KDM1B: variants seen among roughly 807,000 people sequenced by gnomAD.
KDM1B encodes lysine demethylase 1B.
KDM1B carries 63 observed loss-of-function variants against 107.4 expected under a neutral mutation model. The ratio of observed to expected loss-of-function variants is 0.59; its 90% CI spans 0.48 to 0.72. The LOEUF is 0.72. Among genes scored for constraint, KDM1B ranks in the 30% least tolerant of loss-of-function variants. The pLI is 0.00. For missense variants in KDM1B, 749 were observed against 1,020.8 expected (o/e 0.73, Z 3.63); for synonymous variants, 363 against 363.9 (o/e 1.00, Z 0.03).
chr6:18,156,733 G>T lies in KDM1B; in HGVS notation c.-14+807G>T, dbSNP rs115848047. On this transcript the variant is annotated intron_variant, in intron 2 of 21. Coordinates refer to ENST00000650836, the MANE Select transcript of KDM1B (RefSeq NM_001364614.2). The stretch of plus-strand genomic sequence containing the variant: ...GTACTTCAAGACCAGCCTGGCCAAG[G>T]TGGTGAAACCTGGTCTCTACTAAAA... Among the ~76,000 whole-genome samples the T allele has an allele frequency of 9.0e-3, 1,374 of 152,032 alleles. 20 individuals are homozygous for T. The highest frequency in any genetic ancestry group is 0.031 in the African/African-American group (1,276 of 41,442).
intron 20 of KDM1B, among the ~76,000 whole-genome samples, chr6:18,217,486 C>T (rs1789335073): frequency 6.6e-6 from 1 of 150,848 alleles, no homozygotes; most frequent in Non-Finnish European, 1.5e-5. Context: ...TCACGCCATT[C>T]TCCTGACTCA....
At chr6:18,216,172 C>T (rs200688846) in intron 20 of KDM1B, among the ~76,000 whole-genome samples, 24 of 152,292 alleles carry the variant, frequency 1.6e-4, no homozygotes, top group Middle Eastern at 3.4e-3. Context: ...CTCCACCTCC[C>T]GGGTTCAAGC....
rs773716592 is a variant in KDM1B, at chr6:18,222,276, A to G, written c.*284A>G. On this transcript the variant is annotated 3_prime_UTR_variant, in exon 22 of 22. Coordinates refer to ENST00000650836, the MANE Select transcript of KDM1B (RefSeq NM_001364614.2). ...ATGTAAGTTTCAGTTGAGGCCATGG[A>G]TTTGATTGTTCCATGGCTGGAAGTT... The G allele has an allele frequency of 1.6e-5, 8 of 512,976 alleles. No homozygotes were observed. The highest frequency in any genetic ancestry group is 1.4e-4 in the South Asian group (8 of 59,222). The allele number at this position is 512,976 out of a possible 1,614,324, so 31.8% of individuals were successfully genotyped here. A position where few individuals can be genotyped will look rare whatever the true frequency, so the allele number is the denominator to read the frequency against.
chr6:18,215,551 G>A (rs1385211582), intron 20 of KDM1B, among the ~76,000 whole-genome samples: 3 of 152,000 alleles, frequency 2.0e-5, no homozygotes, highest in African/African-American at 7.2e-5. Context: ...TCACCCCGGC[G>A]ACCTCACTTT....
intron 5 of KDM1B, among the ~76,000 whole-genome samples, chr6:18,165,844 A>G (rs1010716285): frequency 3.3e-5 from 5 of 152,066 alleles, no homozygotes; most frequent in African/African-American, 1.2e-4. Flanking sequence ...AAAAAATAAT[A>G]AAAAAATAAA....
intron 12 of KDM1B, among the ~76,000 whole-genome samples, chr6:18,199,106 G>A (rs1358104322): frequency 1.3e-5 from 2 of 151,806 alleles, no homozygotes; most frequent in African/African-American, 2.4e-5. Context: ...GCTGAGGTGG[G>A]AGGATCTCTT....
At position 18,203,788 on chromosome 6, in the gene KDM1B, G is replaced by A. The variant is rs112479069; in HGVS notation, c.1532-1749G>A. Among the ~76,000 whole-genome samples, 4,189 of 150,776 alleles carry A rather than the reference G, an allele frequency of 0.028. 84 individuals are homozygous for A. Among genetic ancestry groups the A allele is most frequent in the Non-Finnish European group, 0.037 (2,535 of 67,876 alleles). ...GAATCACTTGAACCTGGGAGGCAGA[G>A]GTTGCAGTGAGACAAGATCAGGCCA... On this transcript the variant is annotated intron_variant, in intron 14 of 21. Coordinates refer to ENST00000650836, the MANE Select transcript of KDM1B (RefSeq NM_001364614.2). This position sits in a 1 kb window ranked among gnomAD's most constrained non-coding sequence, Gnocchi z 5.5.
At position 18,204,354 on chromosome 6, in the gene KDM1B, G is replaced by GGC. The variant is rs200819507; in HGVS notation, c.1532-1180_1532-1179dup. On this transcript the variant is annotated intron_variant, in intron 14 of 21. Transcript: ENST00000650836. The surrounding 1 kb of genome is among the most constrained non-coding windows in gnomAD (Gnocchi z 4.9). ...CAAAAATTAGCTGGGCATAGAGGCG[G>GGC]GCGCCTGTAGTCCCAGCTACTTGGG... Among the ~76,000 whole-genome samples the GGC allele has an allele frequency of 9.1e-3, 1,380 of 152,128 alleles. 18 individuals are homozygous for GGC. The highest frequency in any genetic ancestry group is 0.03 in the African/African-American group (1,252 of 41,496).
intron 21 of KDM1B, among the ~76,000 whole-genome samples, chr6:18,221,630 CTG>C (rs1473285408): frequency 1.3e-5 from 2 of 152,186 alleles, no homozygotes; most frequent in East Asian, 3.8e-4. Flanking sequence ...ATGGGAGGGA[CTG>C]TGTCTTAATT....
chr6:18,183,183 C>G (rs1191884997), intron 7 of KDM1B, among the ~76,000 whole-genome samples: 1 of 151,816 alleles, frequency 6.6e-6, no homozygotes, highest in Admixed American at 6.6e-5. Context: ...GTCCCTCCCT[C>G]CAGTGTGCTC....
At chr6:18,208,707 C>T (rs1182245314) in intron 17 of KDM1B, among the ~76,000 whole-genome samples, 7 of 123,164 alleles carry the variant, frequency 5.7e-5, no homozygotes, top group Non-Finnish European at 1.1e-4. Context: ...TGCAGTGGCG[C>T]AAACTCGGCT....
intron 21 of KDM1B, among the ~76,000 whole-genome samples, chr6:18,220,291 C>A (rs896537190): frequency 6.6e-6 from 1 of 152,226 alleles, no homozygotes; most frequent in Non-Finnish European, 1.5e-5. Flanking sequence ...CGATGGCTCA[C>A]GCCTGTAATC....
chr6:18,157,846 T>C (rs1784725796), intron 2 of KDM1B, among the ~76,000 whole-genome samples: 1 of 130,682 alleles, frequency 7.7e-6, no homozygotes, highest in East Asian at 2.6e-4. Flanking sequence ...GGAGTCTCAC[T>C]CTGTTGCCGA....
intron 7 of KDM1B, among the ~76,000 whole-genome samples, chr6:18,181,740 T>G (rs977345394): frequency 5.9e-5 from 9 of 152,154 alleles, no homozygotes; most frequent in Non-Finnish European, 1.2e-4. Flanking sequence ...AGTGAGACCC[T>G]GTTTCAAGAA....
rs547515904 is a variant in KDM1B at position 18,201,005 on chromosome 6, C to A, written c.1359+429C>A. Among the ~76,000 whole-genome samples the A allele has an allele frequency of 1.3e-5, 2 of 152,162 alleles. No homozygotes were observed. The highest frequency in any genetic ancestry group is 4.8e-5 in the African/African-American group (2 of 41,426). On this transcript the variant is annotated intron_variant, in intron 13 of 21. Transcript: ENST00000650836. This position sits in a 1 kb window ranked among gnomAD's most constrained non-coding sequence, Gnocchi z 4.3. ...AATTATGTATTACTAATCTGAACATCATATTTAAGGAGGCAGCCTGTCTTT... is the reference window on the plus strand; with the variant it reads ...AATTATGTATTACTAATCTGAACATAATATTTAAGGAGGCAGCCTGTCTTT...
chr6:18,194,074 C>T (rs1787480665), intron 10 of KDM1B, among the ~76,000 whole-genome samples: 1 of 152,016 alleles, frequency 6.6e-6, no homozygotes, highest in Non-Finnish European at 1.5e-5. Flanking sequence ...CAGGGTTTCA[C>T]CATGTTGGCC....
intron 10 of KDM1B, among the ~76,000 whole-genome samples, chr6:18,194,359 C>G (rs888685777): frequency 4.6e-5 from 7 of 151,960 alleles, no homozygotes; most frequent in Admixed American, 4.6e-4. Context: ...TCACAAGAAT[C>G]CAGCTTTTTC....
intron 2 of KDM1B, among the ~76,000 whole-genome samples, chr6:18,157,690 A>G (rs1179954435): frequency 6.6e-6 from 1 of 151,380 alleles, no homozygotes; most frequent in Non-Finnish European, 1.5e-5. Context: ...TTGTATATTT[A>G]TGTATATAAT....
chr6:18,190,429 A>G (rs1787197486), intron 9 of KDM1B, among the ~76,000 whole-genome samples: 1 of 146,410 alleles, frequency 6.8e-6, no homozygotes, highest in Non-Finnish European at 1.5e-5. Context: ...CGTCTCTACT[A>G]AAAATACAAA....
Sources: gnomAD v4.1 joint callset for allele counts (sites outside exome capture counted in the v4.1 genomes callset) on GRCh38, gnomAD v4.1.1 for gene constraint, Gnocchi (gnomAD v3.1) non-coding constraint, MANE v1.5 for transcripts, NCBI Gene and HGNC (gene_info 2026-07-23, HGNC 2026-07-21) for gene names.